The following MIPEP variants were observed in gnomAD, a reference collection of about 807,000 sequenced individuals.
MIPEP encodes the protein mitochondrial intermediate peptidase.
A neutral mutation model predicts 90.3 loss-of-function variants in MIPEP; 79 were observed. That is an observed-to-expected ratio of 0.87 (90% CI 0.73 to 1.05). MIPEP has a LOEUF of 1.05. Among genes scored for constraint, MIPEP ranks in the 50% least tolerant of loss-of-function variants. The pLI is 0.00. For synonymous variants in MIPEP, 334 were observed against 315.8 expected (o/e 1.06, Z -0.61); for missense variants, 940 against 905.6 (o/e 1.04, Z -0.49).
chr13:23,828,846 G>A (rs1191526902), intron 14 of MIPEP, among the ~76,000 whole-genome samples: 2 of 152,182 alleles, frequency 1.3e-5, no homozygotes, highest in Non-Finnish European at 2.9e-5. Flanking sequence ...AGGTCCAAGA[G>A]TAGACAAGAA....
chr13:23,881,072 T>C (rs4067959), intron 3 of MIPEP, among the ~76,000 whole-genome samples: 3 of 152,186 alleles, frequency 2.0e-5, no homozygotes, highest in African/African-American at 7.2e-5. Context: ...GGCTTAAAAA[T>C]ACTCACATTT....
At chr13:23,771,780 TAATAACTCTA>T (rs1183780637) in intron 16 of MIPEP, among the ~76,000 whole-genome samples, 3 of 152,186 alleles carry the variant, frequency 2.0e-5, no homozygotes, top group African/African-American at 7.2e-5. Context: ...AACCCTTACC[TAATAACTCTA>T]AATGATTCAC....
At chr13:23,888,801 T>C in intron 1 of MIPEP, 1 of 1,030,494 alleles carries the variant, frequency 9.7e-7, no homozygotes, top group Non-Finnish European at 1.2e-6. Flanking sequence ...TTAGCAGGGG[T>C]GCGCCTGAGT....
intron 14 of MIPEP, among the ~76,000 whole-genome samples, chr13:23,828,791 A>G (rs1295802915): frequency 6.6e-6 from 1 of 152,228 alleles, no homozygotes; most frequent in East Asian, 1.9e-4. Flanking sequence ...AGAATTTTTC[A>G]AAAATTAGAT....
At chr13:23,774,831 G>A (rs1261226383) in intron 16 of MIPEP, among the ~76,000 whole-genome samples, 2 of 84,462 alleles carry the variant, frequency 2.4e-5, no homozygotes, top group African/African-American at 9.9e-5. Flanking sequence ...TTTTGCTCTT[G>A]TTGCCCAGGC....
At position 23,878,592 on chromosome 13, in the gene MIPEP, C is replaced by T. The variant is rs201079046; in HGVS notation, c.539+676G>A. On this transcript the variant is annotated intron_variant, in intron 4 of 18. Coordinates refer to ENST00000382172, the MANE Select transcript of MIPEP (RefSeq NM_005932.4). ...AAAAATTAATCTGTGTTATGACATA[C>T]ATATTATAAGCAGGTTAAGGACAAA... is the stretch of plus-strand genomic sequence containing the variant. Among the ~76,000 whole-genome samples the T allele has an allele frequency of 3.3e-5, 5 of 152,280 alleles. No homozygotes were observed. In the East Asian group the frequency reaches 7.7e-4, roughly 23 times the overall value.
intron 9 of MIPEP, 31 bp downstream of exon 9, chr13:23,862,271 T>C (rs1316067574): frequency 7.7e-7 from 1 of 1,301,840 alleles, no homozygotes; most frequent in African/African-American, 1.5e-5. Flanking sequence ...AGACTGTCTA[T>C]ATTATAATAA....
intron 14 of MIPEP, among the ~76,000 whole-genome samples, chr13:23,831,471 A>G (rs893297551): frequency 2.0e-4 from 30 of 151,476 alleles, no homozygotes; most frequent in African/African-American, 7.3e-4. Context: ...TAAAGAACAG[A>G]AGCTTATGTA....
chr13:23,830,274 TA>T (rs1350515923), intron 14 of MIPEP, among the ~76,000 whole-genome samples: 3 of 152,210 alleles, frequency 2.0e-5, no homozygotes, highest in Admixed American at 6.5e-5. Flanking sequence ...CAACACAGAT[TA>T]ATCTTAGGCA....
chr13:23,878,017 T>A (rs1271879740), intron 4 of MIPEP, among the ~76,000 whole-genome samples: 1 of 152,248 alleles, frequency 6.6e-6, no homozygotes, highest in African/African-American at 2.4e-5. Flanking sequence ...ATCCTATCAC[T>A]ACAAGTCCTT....
In MIPEP at chr13:23,809,583, T is replaced by C. The variant is rs1216473786; in HGVS notation, c.1728+267A>G. ...TGGTCTCAAACTCCTGACCTCGTGATTCGCCCACCTCGGCCTCCCAAAGTG... is the reference window on the plus strand; with the variant it reads ...TGGTCTCAAACTCCTGACCTCGTGACTCGCCCACCTCGGCCTCCCAAAGTG... On this transcript the variant is annotated intron_variant, in intron 15 of 18. Transcript: ENST00000382172. Among the ~76,000 whole-genome samples the C allele has an allele frequency of 3.3e-5, 5 of 152,242 alleles. No homozygotes were observed. In the East Asian group the frequency reaches 9.6e-4, roughly 29 times the overall value.
intron 17 of MIPEP, among the ~76,000 whole-genome samples, chr13:23,757,434 G>C (rs917030800): frequency 5.9e-5 from 9 of 152,042 alleles, no homozygotes; most frequent in Admixed American, 3.3e-4. Flanking sequence ...TCCTGTTACA[G>C]AATAAGTAAA....
intron 10 of MIPEP, among the ~76,000 whole-genome samples, chr13:23,856,172 C>T (rs1022864680): frequency 2.6e-5 from 4 of 152,166 alleles, no homozygotes; most frequent in African/African-American, 9.7e-5. Context: ...TTAAGCACAG[C>T]GGAGCCAGGA....
intron 10 of MIPEP, among the ~76,000 whole-genome samples, chr13:23,846,300 G>A (rs1358272942): frequency 1.3e-5 from 2 of 152,132 alleles, no homozygotes; most frequent in Non-Finnish European, 2.9e-5. Context: ...TGGGGGAATA[G>A]CTGCTATTAG....
intron 16 of MIPEP, among the ~76,000 whole-genome samples, chr13:23,792,548 T>C (rs1198145822): frequency 6.6e-6 from 1 of 152,146 alleles, no homozygotes; most frequent in Non-Finnish European, 1.5e-5. Flanking sequence ...CCCAGATAAT[T>C]TTTTAGTCTA....
chr13:23,801,808 T>G (rs1021131652), intron 16 of MIPEP, among the ~76,000 whole-genome samples: 3 of 152,210 alleles, frequency 2.0e-5, no homozygotes, highest in Non-Finnish European at 4.4e-5. Context: ...AACAAATTGT[T>G]TATCCATTTC....
chr13:23,777,946 G>A (rs185461708), intron 16 of MIPEP, among the ~76,000 whole-genome samples: 74 of 152,276 alleles, frequency 4.9e-4, no homozygotes, highest in African/African-American at 1.7e-3. Context: ...TTTTAAGAGG[G>A]AAAATGGGTT....
At chr13:23,888,970 C>T in intron 1 of MIPEP, 162 bp downstream of exon 1, 1 of 672,378 alleles carries the variant, frequency 1.5e-6, no homozygotes, top group Non-Finnish European at 2.2e-6. Context: ...CAGAGGTGAC[C>T]TTGCCCTCAT....
At position 23,836,312 on chromosome 13, in the gene MIPEP, A is replaced by T; in HGVS notation, c.1581T>A (p.Ser527=). ...RCPTDFAEVP[S]ILMEYFANDY... ...CATTTGCAAAGTACTCCATCAGAAT[A>T]GAAGGAACCTCAGCAAAATCAGTAG... Residue 527 remains serine, a synonymous_variant, in exon 14 of 19, where the codon TCT becomes TCA. Coordinates refer to ENST00000382172, the MANE Select transcript of MIPEP (RefSeq NM_005932.4). 6.2e-7 allele frequency: 1 copy of T among 1,601,770 alleles called. No individual in the cohort carries two copies. The highest frequency in any genetic ancestry group is 8.5e-7 in the Non-Finnish European group (1 of 1,175,588).
Sources: gnomAD v4.1 joint callset for allele counts (sites outside exome capture counted in the v4.1 genomes callset) on GRCh38, gnomAD v4.1.1 for gene constraint, MANE v1.5 for transcripts, NCBI Gene and HGNC (gene_info 2026-07-23, HGNC 2026-07-21) for gene names.